Variants in PCDH9 observed in about 807,000 individuals in gnomAD.
PCDH9 encodes protocadherin 9.
In PCDH9, 24 loss-of-function variants were observed where a neutral mutation model predicts 70.6. The ratio of observed to expected loss-of-function variants is 0.34; its 90% CI spans 0.25 to 0.48. The LOEUF is 0.48. Ranked by LOEUF, PCDH9 falls within the 20% of genes least tolerant of loss-of-function variation. The probability of loss-of-function intolerance (pLI) is 0.99; values close to 1 mark genes in which losing one functional copy is unlikely to be tolerated. For synonymous variants in PCDH9, 562 were observed against 558.5 expected (o/e 1.01, Z -0.09); for missense variants, 1,281 against 1,503.6 (o/e 0.85, Z 2.45).
At chr13:66,758,939 C>A (rs1163971202) in intron 3 of PCDH9, among the ~76,000 whole-genome samples, 1 of 151,900 alleles carries the variant, frequency 6.6e-6, no homozygotes, top group Non-Finnish European at 1.5e-5. Flanking sequence ...TCTTACAAAA[C>A]TTTGTGTATT....
rs1405008417 is a variant in PCDH9 at position 66,621,000 on chromosome 13, G to GCCTAC, written c.3340+10209_3340+10210insGTAGG. On this transcript the variant is annotated intron_variant, in intron 4 of 4. Transcript: ENST00000377865. Reference sequence around the variant, plus strand: ...ATGAATTAAAAAATGGGTGAATTATGTAAAGCTCAAATGAATAATGTATAC... The same window carrying GCCTAC: ...ATGAATTAAAAAATGGGTGAATTATGCCTACTAAAGCTCAAATGAATAATGTATAC... Among the ~76,000 whole-genome samples, 5 of 152,292 alleles carry GCCTAC rather than the reference G, an allele frequency of 3.3e-5. No individual in the cohort carries two copies. The East Asian group carries it at 9.7e-4, about 29-fold the overall frequency.
chr13:66,322,862 G>A (rs920920526), intron 4 of PCDH9, among the ~76,000 whole-genome samples: 7 of 151,928 alleles, frequency 4.6e-5, no homozygotes, highest in African/African-American at 1.7e-4. Flanking sequence ...TATACTTCAT[G>A]TTCAAATGGA....
chr13:66,384,423 A>G (rs1202374153), intron 4 of PCDH9, among the ~76,000 whole-genome samples: 5 of 152,190 alleles, frequency 3.3e-5, no homozygotes, highest in African/African-American at 1.2e-4. Flanking sequence ...ATTATTGCAC[A>G]TATTTAAAGT....
chr13:66,737,830 G>A (rs576482406), intron 3 of PCDH9, among the ~76,000 whole-genome samples: 95 of 152,248 alleles, frequency 6.2e-4, no homozygotes, highest in African/African-American at 2.1e-3. Flanking sequence ...TCCCACACCT[G>A]GCTCGGAGGG....
intron 2 of PCDH9, among the ~76,000 whole-genome samples, chr13:67,065,659 G>A (rs1313772057): frequency 6.6e-6 from 1 of 152,076 alleles, no homozygotes; most frequent in Non-Finnish European, 1.5e-5. Flanking sequence ...CACCACCACT[G>A]GTTTTGAAAT....
intron 4 of PCDH9, among the ~76,000 whole-genome samples, chr13:66,574,717 G>T (rs898087808): frequency 1.3e-5 from 2 of 152,074 alleles, no homozygotes; most frequent in Admixed American, 1.3e-4. Context: ...TCTTATAAAA[G>T]ACATATTTCT....
At chr13:66,324,359 G>T (rs979801908) in intron 4 of PCDH9, among the ~76,000 whole-genome samples, 1 of 152,128 alleles carries the variant, frequency 6.6e-6, no homozygotes, top group South Asian at 2.1e-4. Flanking sequence ...CAAGAGAAAC[G>T]TTAGAGAGCA....
chr13:66,420,544 G>T (rs909443489), intron 4 of PCDH9, among the ~76,000 whole-genome samples: 6 of 152,186 alleles, frequency 3.9e-5, no homozygotes, highest in African/African-American at 1.4e-4. Context: ...GGCAAACAAG[G>T]CATGGAGTGG....
intron 4 of PCDH9, among the ~76,000 whole-genome samples, chr13:66,549,556 G>T (rs1961382532): frequency 6.6e-6 from 1 of 151,470 alleles, no homozygotes; most frequent in Non-Finnish European, 1.5e-5. Flanking sequence ...GGTTTTTTTG[G>T]ACTGGGTCCA....
chr13:67,116,859 G>A (rs2086787129), intron 2 of PCDH9, among the ~76,000 whole-genome samples: 1 of 152,142 alleles, frequency 6.6e-6, no homozygotes, highest in Non-Finnish European at 1.5e-5. Flanking sequence ...CAATCAAGGT[G>A]TCAAACCCAT....
At chr13:66,948,868 T>C (rs1183967287) in intron 2 of PCDH9, among the ~76,000 whole-genome samples, 2 of 152,146 alleles carry the variant, frequency 1.3e-5, no homozygotes, top group Admixed American at 6.6e-5. Flanking sequence ...ATCATCACAT[T>C]TAATTACCGA....
chr13:66,554,555 A>G (rs766456010), intron 4 of PCDH9, among the ~76,000 whole-genome samples: 1 of 152,128 alleles, frequency 6.6e-6, no homozygotes, highest in Non-Finnish European at 1.5e-5. Context: ...ACTAATAATT[A>G]TATGTAGTTT....
chr13:66,966,737 G>T (rs1215758877), intron 2 of PCDH9, among the ~76,000 whole-genome samples: 2 of 151,988 alleles, frequency 1.3e-5, no homozygotes, highest in African/African-American at 4.8e-5. Context: ...TTGCTGAAGG[G>T]TCATGAGGGC....
At chr13:66,523,785 C>T (rs1364044828) in intron 4 of PCDH9, among the ~76,000 whole-genome samples, 1 of 151,808 alleles carries the variant, frequency 6.6e-6, no homozygotes, top group Non-Finnish European at 1.5e-5. Flanking sequence ...CAAGTAATTT[C>T]TATGCAGACA....
chr13:67,223,299 C>G (rs2089774177), intron 2 of PCDH9: 1 of 152,092 alleles, frequency 6.6e-6, no homozygotes, highest in African/African-American at 2.4e-5. Flanking sequence ...TGTCACTACA[C>G]TATATATAGG....
At chr13:67,064,289 GA>G in intron 2 of PCDH9, among the ~76,000 whole-genome samples, 1 of 152,082 alleles carries the variant, frequency 6.6e-6, no homozygotes, top group East Asian at 1.9e-4. Context: ...CTCTAGATCA[GA>G]AAAAAACAAC....
intron 4 of PCDH9, among the ~76,000 whole-genome samples, chr13:66,585,153 A>G (rs959577462): frequency 2.6e-5 from 4 of 152,092 alleles, no homozygotes; most frequent in Non-Finnish European, 5.9e-5. Flanking sequence ...TGCTGTTAAG[A>G]TATCATAGGC....
intron 2 of PCDH9, among the ~76,000 whole-genome samples, chr13:66,972,358 A>G (rs1378257575): frequency 2.0e-5 from 3 of 151,986 alleles, no homozygotes; most frequent in Admixed American, 2.0e-4. Flanking sequence ...TGAGACAATT[A>G]TCATAAAACC....
chr13:66,857,578 C>T (rs1244458249), intron 3 of PCDH9, among the ~76,000 whole-genome samples: 1 of 152,110 alleles, frequency 6.6e-6, no homozygotes, highest in Non-Finnish European at 1.5e-5. Context: ...GAACTTTATT[C>T]ATATTGACCT....
Sources: allele counts gnomAD v4.1 joint callset (sites outside exome capture counted in the v4.1 genomes callset), GRCh38; gene constraint gnomAD v4.1.1; transcripts MANE v1.5; gene names NCBI Gene and HGNC (gene_info 2026-07-23, HGNC 2026-07-21).